Variants in PIK3CD observed in about 807,000 individuals in gnomAD.
The protein encoded by PIK3CD is phosphatidylinositol-4,5-bisphosphate 3-kinase catalytic subunit delta.
PIK3CD carries 20 observed loss-of-function variants against 122.9 expected under a neutral mutation model. That is an observed-to-expected ratio of 0.16 (90% CI 0.11 to 0.24). PIK3CD has a LOEUF of 0.24. Among genes scored for constraint, PIK3CD ranks in the 10% least tolerant of loss-of-function variants. The pLI, the probability that PIK3CD is intolerant of heterozygous loss-of-function variation, is 1.00. For synonymous variants in PIK3CD, 596 were observed against 593.4 expected, an observed-to-expected ratio of 1.00 and a Z score of -0.06; for missense variants, 787 against 1,406.3, an observed-to-expected ratio of 0.56 and a Z score of 7.04.
Position 9,721,255 on chromosome 1 carries a change from C to G in PIK3CD, c.1811+7C>G, listed in dbSNP as rs1479217927. 1 of 1,613,214 alleles carries G rather than the reference C, an allele frequency of 6.2e-7. No individual in the cohort carries two copies. Among genetic ancestry groups the G allele is most frequent in the African/African-American group, 1.3e-5 (1 of 75,054 alleles). On this transcript the variant is annotated splice_region_variant and intron_variant, in intron 14 of 23. Coordinates refer to ENST00000377346, the MANE Select transcript of PIK3CD (RefSeq NM_005026.5). ...AGTCGCTGCGGAAACTGACGTGAGT[C>G]CCAGCTGGGCGCTCCCCACTTCTCC...
chr1:9,644,704 G>A, the PIK3CD span, among the ~76,000 whole-genome samples: 1 of 152,016 alleles, frequency 6.6e-6, no homozygotes, highest in East Asian at 1.9e-4. Context: ...AGTTCCCTTT[G>A]AATTGTCAAA....
chr1:9,630,562 T>C, the PIK3CD span, among the ~76,000 whole-genome samples: 1 of 152,212 alleles, frequency 6.6e-6, no homozygotes, highest in Non-Finnish European at 1.5e-5. Context: ...GCTGAGCGAA[T>C]AGGCAATCAT....
At chr1:9,694,200 A>T (rs1292467546) in intron 2 of PIK3CD, among the ~76,000 whole-genome samples, 1 of 152,208 alleles carries the variant, frequency 6.6e-6, no homozygotes, top group East Asian at 1.9e-4. Flanking sequence ...CGAGAAAAAT[A>T]ACTGTCACAT....
intron 2 of PIK3CD, among the ~76,000 whole-genome samples, chr1:9,708,580 G>A (rs191216558): frequency 1.3e-5 from 2 of 152,120 alleles, no homozygotes; most frequent in Admixed American, 1.3e-4. Flanking sequence ...GGGCCCAGTG[G>A]CTCATTCCTG....
Position 9,715,558 on chromosome 1 carries a change from C to T in PIK3CD, c.159C>T (p.Ala53=). The T allele has an allele frequency of 6.2e-7, 1 of 1,613,546 alleles. No homozygotes were observed. The highest frequency in any genetic ancestry group is 2.2e-5 in the East Asian group (1 of 44,888). ...STIKQLLWHR[A]QYEPLFHMLS... ...CCCTCCAGCTGCTGTGGCACCGCGC[C>T]CAGTATGAGCCGCTCTTCCACATGC... Residue 53 remains alanine (A), a synonymous_variant, in exon 4 of 24, where the codon GCC becomes GCT. Transcript: ENST00000377346. This position sits in a 1 kb window ranked among gnomAD's most constrained non-coding sequence, Gnocchi z 4.1.
At chr1:9,646,048 A>G in the PIK3CD span, among the ~76,000 whole-genome samples, 1 of 152,098 alleles carries the variant, frequency 6.6e-6, no homozygotes, top group Non-Finnish European at 1.5e-5. Context: ...CTGGGATTAC[A>G]GGCGGGAGCC....
chr1:9,647,238 A>T (rs1644617095), upstream of PIK3CD, among the ~76,000 whole-genome samples: 1 of 151,580 alleles, frequency 6.6e-6, no homozygotes, highest in African/African-American at 2.4e-5. Flanking sequence ...ACATGACAAA[A>T]CCCTGTCTCT....
Position 9,724,284 on chromosome 1 carries a change from C to T in PIK3CD, c.2727C>T (p.His909=). ...CTCTCCCCTCCCCTCAGCTGTTCCA[C>T]ATTGATTTTGGCCACTTTCTGGGGA... ...IMIRESGQLF[H]IDFGHFLGNF... is the part of the protein sequence containing the mutation. The change falls in exon 22 of 24, where the codon CAC becomes CAT. Residue 909 remains histidine (H), a synonymous_variant. Transcript: ENST00000377346. This position sits in a 1 kb window ranked among gnomAD's most constrained non-coding sequence, Gnocchi z 7.3. 13 of 1,614,184 alleles carry T rather than the reference C, an allele frequency of 8.1e-6. No homozygotes were observed. Among genetic ancestry groups the T allele is most frequent in the Non-Finnish European group, 1.1e-5 (13 of 1,180,044 alleles).
At position 9,727,142 on chromosome 1, in the gene PIK3CD, C is replaced by T; in HGVS notation, c.*96C>T. 3 of 1,418,034 alleles carry T rather than the reference C, an allele frequency of 2.1e-6. No homozygotes were observed. The highest frequency in any genetic ancestry group is 2.0e-6 in the Non-Finnish European group (2 of 1,011,142). 87.8% of individuals were successfully genotyped at this position (1,418,034 alleles called of 1,614,324 possible). On this transcript the variant is annotated 3_prime_UTR_variant, in exon 24 of 24. Transcript: ENST00000377346. The stretch of plus-strand genomic sequence containing the variant: ...AGGGGCTGAAGAGCCTGAACTGCAC[C>T]TAACGGGAAAGAACCGACATGGCTG...
At position 9,717,667 on chromosome 1, in the gene PIK3CD, G is replaced by C. The variant is rs1424487352; in HGVS notation, c.1020+41G>C. The stretch of plus-strand genomic sequence containing the variant: ...TAGGTGGGAGAGACACTGTTTTTTT[G>C]CACAAACAAGGTGGCTGTATCCTGG... On this transcript the variant is annotated intron_variant, in intron 8 of 23. Transcript: ENST00000377346. This position sits in a 1 kb window ranked among gnomAD's most constrained non-coding sequence, Gnocchi z 5.4. 6.3e-7 allele frequency: 1 copy of C among 1,579,158 alleles called. No homozygotes were observed. Among genetic ancestry groups the C allele is most frequent in the Admixed American group, 1.7e-5 (1 of 59,310 alleles).
intron 2 of PIK3CD, among the ~76,000 whole-genome samples, chr1:9,705,166 A>C (rs1395454944): frequency 6.6e-6 from 1 of 152,150 alleles, no homozygotes; most frequent in Non-Finnish European, 1.5e-5. Context: ...GACCGCATCA[A>C]CATTAAAAAC....
At position 9,691,472 on chromosome 1, in the gene PIK3CD, G is replaced by C. The variant is rs973838721; in HGVS notation, c.-132G>C. The C allele has an allele frequency of 2.5e-6, 1 of 398,414 alleles. No homozygotes were observed. The highest frequency in any genetic ancestry group is 4.4e-5 in the Admixed American group (1 of 22,696). 24.7% of individuals were successfully genotyped at this position (398,414 alleles called of 1,614,324 possible). A position where few individuals can be genotyped will look rare whatever the true frequency, so the allele number is the denominator to read the frequency against. On this transcript the variant is annotated 5_prime_UTR_variant, in exon 2 of 24. Coordinates refer to ENST00000377346, the MANE Select transcript of PIK3CD (RefSeq NM_005026.5). ...TTCTTTCTTTTCCCCAACAGATAAG[G>C]AGTCAGGCCAGGGCGGGATGACACT...
the PIK3CD span, among the ~76,000 whole-genome samples, chr1:9,634,097 G>C: frequency 2.0e-5 from 3 of 150,224 alleles, no homozygotes; most frequent in East Asian, 5.9e-4. Context: ...TCAGTTTCCT[G>C]AGTAACTGGG....
chr1:9,715,398 G>A lies in PIK3CD; in HGVS notation c.142-143G>A, dbSNP rs1407452698. The A allele has an allele frequency of 7.2e-6, 5 of 696,228 alleles. No individual in the cohort carries two copies. Among genetic ancestry groups the A allele is most frequent in the Non-Finnish European group, 1.3e-5 (5 of 393,960 alleles). The allele number at this position is 696,228 out of a possible 1,614,324, so 43.1% of individuals were successfully genotyped here. A position where few individuals can be genotyped will look rare whatever the true frequency, so the allele number is the denominator to read the frequency against. On this transcript the variant is annotated intron_variant, in intron 3 of 23. Coordinates refer to ENST00000377346, the MANE Select transcript of PIK3CD (RefSeq NM_005026.5). This position sits in a 1 kb window ranked among gnomAD's most constrained non-coding sequence, Gnocchi z 4.1. ...CATGGTCAGCACCCAGGGGGCTGCA[G>A]AGAGTGCAGATCTTGGGGTCTGCCT...
In PIK3CD at chr1:9,710,662, TAGAC is replaced by T. The variant is rs375534148; in HGVS notation, c.141+86_141+89del. 1.3e-3 allele frequency: 1,901 copies of T among 1,443,122 alleles called. 12 individuals are homozygous for T. Among genetic ancestry groups the T allele is most frequent in the African/African-American group, 0.013 (927 of 70,516 alleles). The allele number at this position is 1,443,122 out of a possible 1,614,324, so 89.4% of individuals were successfully genotyped here. On this transcript the variant is annotated intron_variant, in intron 3 of 23. Coordinates refer to ENST00000377346, the MANE Select transcript of PIK3CD (RefSeq NM_005026.5). This position sits in a 1 kb window ranked among gnomAD's most constrained non-coding sequence, Gnocchi z 4.7. ...AGAGAGAGAGAGAGAGAGACACAGATAGACAGACAGACAGACAGACAGATGGACA... is the reference window on the plus strand; with the variant it reads ...AGAGAGAGAGAGAGAGAGACACAGATAGACAGACAGACAGACAGATGGACA...
chr1:9,679,042 T>C (rs1449900590), intron 1 of PIK3CD, among the ~76,000 whole-genome samples: 5 of 151,904 alleles, frequency 3.3e-5, no homozygotes, highest in African/African-American at 1.2e-4. Flanking sequence ...GTGAACCTTC[T>C]TTCCGGGTAG....
intron 1 of PIK3CD, among the ~76,000 whole-genome samples, chr1:9,665,086 T>G (rs1353836370): frequency 6.6e-6 from 1 of 151,166 alleles, no homozygotes; most frequent in Non-Finnish European, 1.5e-5. Context: ...CACCTGTGAT[T>G]CCAGCTACTT....
chr1:9,720,152 C>T lies in PIK3CD; in HGVS notation c.1380C>T (p.Arg460=), dbSNP rs1345414976. The T allele has an allele frequency of 2.3e-5, 37 of 1,613,224 alleles. No homozygotes were observed. The highest frequency in any genetic ancestry group is 1.6e-4 in the Middle Eastern group (1 of 6,062). ...GELLNPTGTV[R]SNPNTDSAAA... ...TGCTGAACCCCACGGGCACTGTGCG[C>T]AGTAACCCCAACACGGATAGCGCCG... The change falls in exon 11 of 24, where the codon CGC becomes CGT. Residue 460 remains arginine (R), a synonymous_variant. Transcript: ENST00000377346. This position sits in a 1 kb window ranked among gnomAD's most constrained non-coding sequence, Gnocchi z 9.0.
At chr1:9,637,452 G>C in the PIK3CD span, among the ~76,000 whole-genome samples, 1 of 152,118 alleles carries the variant, frequency 6.6e-6, no homozygotes, top group Admixed American at 6.6e-5. Context: ...GGAGATCGAG[G>C]CTGCACTGAG....
Sources: allele counts gnomAD v4.1 joint callset (sites outside exome capture counted in the v4.1 genomes callset), GRCh38; gene constraint gnomAD v4.1.1; non-coding constraint Gnocchi (gnomAD v3.1); transcripts MANE v1.5; gene names NCBI Gene and HGNC (gene_info 2026-07-23, HGNC 2026-07-21).